The following RGS8 variants were observed in gnomAD, a reference collection of about 807,000 sequenced individuals.
RGS8 encodes regulator of G-protein signaling 8.
A neutral mutation model predicts 21.7 loss-of-function variants in RGS8; 8 were observed. The ratio of observed to expected loss-of-function variants is 0.37; its 90% CI spans 0.22 to 0.66. The LOEUF (loss-of-function observed/expected upper bound fraction) is 0.66. Among genes scored for constraint, RGS8 ranks in the 30% least tolerant of loss-of-function variants. The probability of loss-of-function intolerance (pLI) is 0.59; values close to 1 mark genes in which losing one functional copy is unlikely to be tolerated. For synonymous variants in RGS8, 80 were observed against 83.6 expected (o/e 0.96, Z 0.24); for missense variants, 157 against 217.9 (o/e 0.72, Z 1.76).
upstream of RGS8, among the ~76,000 whole-genome samples, chr1:182,676,601 C>T (rs1557901098): frequency 6.6e-6 from 1 of 152,198 alleles, no homozygotes; most frequent in Non-Finnish European, 1.5e-5. Flanking sequence ...TTAGCAGCCT[C>T]ATTTCCTGTT....
chr1:182,647,425 T>C (rs1376521189), intron 6 of RGS8, among the ~76,000 whole-genome samples: 1 of 152,206 alleles, frequency 6.6e-6, no homozygotes, highest in Non-Finnish European at 1.5e-5. Flanking sequence ...CCTAGCCAAC[T>C]GGTAAAGACT....
the RGS8 span, among the ~76,000 whole-genome samples, chr1:182,730,974 G>C: frequency 6.6e-6 from 1 of 152,254 alleles, no homozygotes; most frequent in East Asian, 1.9e-4. Context: ...AAAGACTAAA[G>C]GGTTAGAGAA....
the RGS8 span, among the ~76,000 whole-genome samples, chr1:182,699,995 T>C: frequency 2.0e-5 from 3 of 152,168 alleles, no homozygotes; most frequent in African/African-American, 7.2e-5. Context: ...TGCAGGAGAC[T>C]GGAGGGGCTC....
the RGS8 span, among the ~76,000 whole-genome samples, chr1:182,715,598 C>T: frequency 6.6e-6 from 1 of 152,178 alleles, no homozygotes; most frequent in African/African-American, 2.4e-5. Flanking sequence ...GTCTTTTATT[C>T]AAGTGGGGCC....
At chr1:182,692,640 C>A in the RGS8 span, among the ~76,000 whole-genome samples, 1 of 120,972 alleles carries the variant, frequency 8.3e-6, no homozygotes, top group Admixed American at 9.2e-5. Flanking sequence ...CAATTTGGAA[C>A]CAAAAGAGAG....
chr1:182,689,305 A>ACACACACACC (rs1491446835), upstream of RGS8, among the ~76,000 whole-genome samples: 4 of 130,572 alleles, frequency 3.1e-5, no homozygotes, highest in African/African-American at 1.1e-4. Context: ...ACACACACAC[A>ACACACACACC]CCCCACAAGT....
At chr1:182,657,093 AC>A (rs1455235065) in intron 5 of RGS8, among the ~76,000 whole-genome samples, 1 of 84,738 alleles carries the variant, frequency 1.2e-5, no homozygotes, top group Non-Finnish European at 2.6e-5. Flanking sequence ...TCCCCCACCC[AC>A]CCCCCTGGCC....
chr1:182,748,363 T>A, the RGS8 span, among the ~76,000 whole-genome samples: 1 of 152,228 alleles, frequency 6.6e-6, no homozygotes, highest in African/African-American at 2.4e-5. Context: ...GATCATGCAG[T>A]ATTTGTCTTT....
the RGS8 span, among the ~76,000 whole-genome samples, chr1:182,747,041 G>GTTTTTTTTTTTTT: frequency 1.1e-4 from 3 of 26,188 alleles, no homozygotes; most frequent in Non-Finnish European, 3.3e-4. Context: ...AACACTGCTG[G>GTTTTTTTTTTTTT]TCTTTTTTTT....
chr1:182,713,880 A>G, the RGS8 span, among the ~76,000 whole-genome samples: 5 of 152,252 alleles, frequency 3.3e-5, no homozygotes, highest in African/African-American at 1.2e-4. Context: ...TTGCAAAAGA[A>G]GTACACAGAA....
the RGS8 span, among the ~76,000 whole-genome samples, chr1:182,691,773 C>T: frequency 2.2e-4 from 33 of 151,964 alleles, no homozygotes; most frequent in Non-Finnish European, 4.6e-4. Flanking sequence ...CAATGATGCC[C>T]GCTCTCACCA....
the RGS8 span, among the ~76,000 whole-genome samples, chr1:182,719,178 T>C: frequency 6.6e-6 from 1 of 152,216 alleles, no homozygotes; most frequent in East Asian, 1.9e-4. Context: ...GGCCAGGAGT[T>C]GCGCAGCACA....
At chr1:182,702,495 G>A in the RGS8 span, among the ~76,000 whole-genome samples, 1 of 152,076 alleles carries the variant, frequency 6.6e-6, no homozygotes, top group Non-Finnish European at 1.5e-5. Flanking sequence ...ATATACCCAG[G>A]TAACAAATCT....
chr1:182,741,170 G>A, the RGS8 span, among the ~76,000 whole-genome samples: 1 of 147,092 alleles, frequency 6.8e-6, no homozygotes, highest in Non-Finnish European at 1.5e-5. Context: ...CGGGGCGGCT[G>A]GCCGGGTGGG....
the RGS8 span, among the ~76,000 whole-genome samples, chr1:182,742,655 G>A: frequency 6.6e-6 from 1 of 152,216 alleles, no homozygotes; most frequent in Non-Finnish European, 1.5e-5. Flanking sequence ...AGGAGAATCA[G>A]GCAGGGAGGT....
At chr1:182,681,127 G>A (rs963272190) in intron 1 of RGS8, among the ~76,000 whole-genome samples, 18 of 152,226 alleles carry the variant, frequency 1.2e-4, no homozygotes, top group African/African-American at 4.3e-4. Context: ...ATCAGAGTCC[G>A]AGAAGGCAGA....
At chr1:182,659,994 C>G (rs1014183814) in intron 5 of RGS8, among the ~76,000 whole-genome samples, 2 of 152,140 alleles carry the variant, frequency 1.3e-5, no homozygotes, top group Non-Finnish European at 2.9e-5. Context: ...AATACTACCT[C>G]CAATCCACAA....
At chr1:182,706,039 C>T in the RGS8 span, among the ~76,000 whole-genome samples, 1 of 152,266 alleles carries the variant, frequency 6.6e-6, no homozygotes, top group Non-Finnish European at 1.5e-5. Context: ...CTGAAGTGCA[C>T]TGTCACCATC....
At chr1:182,732,301 A>ACACACACCCC in the RGS8 span, among the ~76,000 whole-genome samples, 4 of 150,538 alleles carry the variant, frequency 2.7e-5, no homozygotes, top group Non-Finnish European at 5.9e-5. Context: ...ACACACACAC[A>ACACACACCCC]CCCACTGTAG....
Sources: allele counts gnomAD v4.1 joint callset (sites outside exome capture counted in the v4.1 genomes callset), GRCh38; gene constraint gnomAD v4.1.1; transcripts MANE v1.5; gene names NCBI Gene and HGNC (gene_info 2026-07-23, HGNC 2026-07-21).